GSDMC: variants seen among roughly 807,000 people sequenced by gnomAD.
GSDMC encodes the protein gasdermin C.
Under a neutral mutation model 58.0 loss-of-function variants are expected in GSDMC, and 59 were observed. The observed-to-expected ratio is 1.02, with a 90% CI of 0.82 to 1.26. The LOEUF is 1.26. Ranked by LOEUF, GSDMC falls within the 50% of genes most tolerant of loss-of-function variation. The pLI is 0.00. For missense variants in GSDMC, 659 were observed against 598.5 expected (o/e 1.10, Z -1.06); for synonymous variants, 241 against 220.2 (o/e 1.09, Z -0.83).
At chr8:129,750,328 C>T in intron 11 of GSDMC, 103 bp downstream of exon 11, 2 of 1,244,776 alleles carry the variant, frequency 1.6e-6, no homozygotes, top group Non-Finnish European at 1.1e-6. Context: ...ATTCCCCTGG[C>T]ATCTTGCTTA....
At chr8:129,742,017 G>T in the GSDMC span, among the ~76,000 whole-genome samples, 1 of 150,692 alleles carries the variant, frequency 6.6e-6, no homozygotes, top group Non-Finnish European at 1.5e-5. Flanking sequence ...AGGACATAAT[G>T]CTAAGTGAAA....
At chr8:129,782,565 C>T (rs1482081858) in intron 1 of GSDMC, among the ~76,000 whole-genome samples, 2 of 152,040 alleles carry the variant, frequency 1.3e-5, no homozygotes, top group Non-Finnish European at 2.9e-5. Context: ...GGATTATTGG[C>T]AGCTACTATG....
At chr8:129,727,771 G>C in the GSDMC span, among the ~76,000 whole-genome samples, 3 of 152,178 alleles carry the variant, frequency 2.0e-5, no homozygotes, top group African/African-American at 7.2e-5. Context: ...CTCTGGAGTA[G>C]GGTAGGAGCC....
chr8:129,750,523 C>T lies in GSDMC; in HGVS notation c.991G>A (p.Ala331Thr), dbSNP rs149922852. 2.4e-4 allele frequency: 394 copies of T among 1,613,766 alleles called. No individual in the cohort carries two copies. The African/African-American group carries it at 4.6e-3, about 19-fold the overall frequency. ...EEVFQKIKTLAQLSKDVQDVM... is the reference protein window; with the variant it reads ...EEVFQKIKTLTQLSKDVQDVM... The stretch of plus-strand genomic sequence containing the variant: ...TCCTGAACATCCTTTGAGAGCTGAG[C>T]CAGTGTCTTTATTTTCTGGAAAACC... The change falls in exon 11 of 14, where the codon GCT becomes ACT. Residue 331 changes from alanine to threonine, a missense_variant. Physicochemically the swap from Ala to Thr is moderately conservative, Grantham distance 58. Transcript: ENST00000276708.
intron 1 of GSDMC, among the ~76,000 whole-genome samples, chr8:129,781,698 G>A (rs1156359088): frequency 3.3e-5 from 5 of 151,106 alleles, no homozygotes; most frequent in African/African-American, 4.9e-5. Context: ...TGGGCCGAGC[G>A]GAGATCGCGC....
chr8:129,749,777 C>T (rs142106543), intron 12 of GSDMC, among the ~76,000 whole-genome samples: 110 of 152,268 alleles, frequency 7.2e-4, no homozygotes, highest in African/African-American at 2.5e-3. Flanking sequence ...TGTGGATGAA[C>T]ATAAACTGGT....
At chr8:129,706,832 A>G in the GSDMC span, among the ~76,000 whole-genome samples, 2 of 152,340 alleles carry the variant, frequency 1.3e-5, no homozygotes, top group East Asian at 3.9e-4. Flanking sequence ...TTCCCCCACC[A>G]TTAATGAACA....
intron 4 of GSDMC, among the ~76,000 whole-genome samples, chr8:129,762,943 T>C (rs942278042): frequency 6.6e-5 from 10 of 152,200 alleles, no homozygotes; most frequent in Non-Finnish European, 1.5e-4. Flanking sequence ...GCAATGTTTT[T>C]ATTTCTTTCC....
the GSDMC span, among the ~76,000 whole-genome samples, chr8:129,727,023 C>CACACACACACAT: frequency 0.22 from 33,672 of 150,120 alleles, 4,010 homozygotes; most frequent in Middle Eastern, 0.28. Context: ...CACACACACA[C>CACACACACACAT]ACCTATTCAC....
At chr8:129,725,597 A>T in the GSDMC span, among the ~76,000 whole-genome samples, 1 of 152,166 alleles carries the variant, frequency 6.6e-6, no homozygotes, top group Non-Finnish European at 1.5e-5. Context: ...GTTGCTTTTG[A>T]GTCTCGCCAC....
chr8:129,774,556 A>T (rs563416788), intron 3 of GSDMC, among the ~76,000 whole-genome samples: 29 of 152,068 alleles, frequency 1.9e-4, no homozygotes, highest in Non-Finnish European at 2.5e-4. Context: ...AGAAAAGAAA[A>T]AATAAGTGTT....
the GSDMC span, among the ~76,000 whole-genome samples, chr8:129,718,506 G>A: frequency 1.4e-4 from 22 of 152,282 alleles, no homozygotes; most frequent in Non-Finnish European, 2.2e-4. Flanking sequence ...CAGGTAGAAC[G>A]GTGATTATTA....
chr8:129,782,551 C>T (rs2034444776), intron 1 of GSDMC, among the ~76,000 whole-genome samples: 1 of 151,996 alleles, frequency 6.6e-6, no homozygotes, highest in African/African-American at 2.4e-5. Flanking sequence ...TGCAGGAATT[C>T]AAAGGATTAT....
Position 129,777,787 on chromosome 8 carries a change from T to C in GSDMC, c.-4-196A>G, listed in dbSNP as rs1440842090. ...TTGTTTTTGAGACAGGGTCTTGCCA[T>C]GTTGCCCAGACTGGTCTTGAACTCT... On this transcript the variant is annotated intron_variant, in intron 1 of 13. Transcript: ENST00000276708. 2.0e-5 allele frequency among the ~76,000 whole-genome samples: 3 copies of C among 152,192 alleles called. No individual in the cohort carries two copies. The East Asian group carries it at 5.8e-4, about 29-fold the overall frequency.
At chr8:129,730,026 A>T in the GSDMC span, 261 of 1,336,460 alleles carry the variant, frequency 2.0e-4, no homozygotes, top group Non-Finnish European at 2.5e-4. Context: ...AAGAAAAAGG[A>T]TGAGAAGGAA....
chr8:129,709,028 G>T, the GSDMC span, among the ~76,000 whole-genome samples: 1 of 152,174 alleles, frequency 6.6e-6, no homozygotes. Context: ...TATTCTCTTT[G>T]TTTTTCCTTA....
rs897210223 is a variant in GSDMC at position 129,752,551 on chromosome 8, A to C, written c.844+147T>G. On this transcript the variant is annotated intron_variant, in intron 7 of 13. Transcript: ENST00000276708. ...CAGCAGTGCCTAAGTTCTAAGCAAA[A>C]AAACACTGCCAGAGGAGGATGAGCA... 22 of 1,286,484 alleles carry C rather than the reference A, an allele frequency of 1.7e-5. No individual in the cohort carries two copies. In the Admixed American group the frequency reaches 5.3e-4, roughly 31 times the overall value. The allele number at this position is 1,286,484 out of a possible 1,614,324, so 79.7% of individuals were successfully genotyped here.
Position 129,748,483 on chromosome 8 carries a change from C to T in GSDMC, c.*18G>A. 2 of 1,587,300 alleles carry T rather than the reference C, an allele frequency of 1.3e-6. No homozygotes were observed. The highest frequency in any genetic ancestry group is 1.7e-6 in the Non-Finnish European group (2 of 1,167,896). On this transcript the variant is annotated 3_prime_UTR_variant, in exon 14 of 14. Coordinates refer to ENST00000276708, the MANE Select transcript of GSDMC (RefSeq NM_031415.3). Reference sequence around the variant, plus strand: ...GCGAGGGCCAGCATCTCTGGACTGACTGCCCATCAGGGAGGGCTTAGGCCT... The same window carrying T: ...GCGAGGGCCAGCATCTCTGGACTGATTGCCCATCAGGGAGGGCTTAGGCCT...
the GSDMC span, among the ~76,000 whole-genome samples, chr8:129,734,237 T>C: frequency 2.0e-4 from 30 of 152,308 alleles, 1 homozygote; most frequent in Admixed American, 1.4e-3. Flanking sequence ...TGGAACCAAG[T>C]TGGAAAACAC....
Sources: gnomAD v4.1 joint callset for allele counts (sites outside exome capture counted in the v4.1 genomes callset) on GRCh38, gnomAD v4.1.1 for gene constraint, MANE v1.5 for transcripts, NCBI Gene and HGNC (gene_info 2026-07-23, HGNC 2026-07-21) for gene names.